Variants in VAV3 observed in about 807,000 individuals in gnomAD.
VAV3 encodes the protein guanine nucleotide exchange factor VAV3.
In VAV3, 94 loss-of-function variants were observed where a neutral mutation model predicts 131.2. The observed-to-expected ratio is 0.72, with a 90% CI of 0.61 to 0.85. VAV3 has a LOEUF of 0.85. VAV3 is among the 40% of genes least tolerant of loss of function. The probability of loss-of-function intolerance (pLI) is 0.00; values close to 1 mark genes in which losing one functional copy is unlikely to be tolerated. For synonymous variants in VAV3, 349 were observed against 342.0 expected (o/e 1.02, Z -0.22); for missense variants, 939 against 1,002.7 (o/e 0.94, Z 0.86).
intron 15 of VAV3, among the ~76,000 whole-genome samples, chr1:107,738,483 T>C (rs1012146903): frequency 1.3e-5 from 2 of 152,206 alleles, no homozygotes; most frequent in African/African-American, 2.4e-5. Flanking sequence ...AAATGCACAA[T>C]ACATAGTCTT....
At chr1:107,802,420 G>C (rs1666869901) in intron 2 of VAV3, among the ~76,000 whole-genome samples, 1 of 151,918 alleles carries the variant, frequency 6.6e-6, no homozygotes, top group Non-Finnish European at 1.5e-5. Context: ...TCTTTTTCCA[G>C]ATCTTAGCAA....
chr1:107,795,911 AATTCCTG>A (rs532008205), intron 2 of VAV3, among the ~76,000 whole-genome samples: 223 of 152,288 alleles, frequency 1.5e-3, no homozygotes, highest in African/African-American at 5.2e-3. Flanking sequence ...TCCCCCATCC[AATTCCTG>A]ATTCCCATAC....
intron 1 of VAV3, among the ~76,000 whole-genome samples, chr1:107,945,170 T>C (rs770054355): frequency 2.0e-5 from 3 of 152,198 alleles, no homozygotes; most frequent in Non-Finnish European, 2.9e-5. Flanking sequence ...GAAAAGCTGA[T>C]AGATATTAAA....
At chr1:107,789,532 G>A (rs1398749517) in intron 2 of VAV3, among the ~76,000 whole-genome samples, 1 of 152,144 alleles carries the variant, frequency 6.6e-6, no homozygotes, top group Non-Finnish European at 1.5e-5. Flanking sequence ...AGTCCTTAAA[G>A]TCTGTGTTCT....
intron 2 of VAV3, among the ~76,000 whole-genome samples, chr1:107,863,443 T>C (rs1000795796): frequency 6.6e-6 from 1 of 152,124 alleles, no homozygotes; most frequent in Non-Finnish European, 1.5e-5. Context: ...GGTCATCTCC[T>C]GTCTATCTGT....
intron 4 of VAV3, among the ~76,000 whole-genome samples, chr1:107,773,134 T>C (rs1030648830): frequency 6.6e-6 from 1 of 152,208 alleles, no homozygotes; most frequent in Non-Finnish European, 1.5e-5. Context: ...CCAACATTAA[T>C]GATCAGGTGT....
intron 21 of VAV3, among the ~76,000 whole-genome samples, chr1:107,615,776 G>A (rs755903967): frequency 4.6e-5 from 7 of 152,042 alleles, no homozygotes; most frequent in Non-Finnish European, 8.8e-5. Context: ...CCATTAAAAA[G>A]TGGGCAAATA....
At chr1:107,624,578 C>A (rs1653867086) in intron 20 of VAV3, among the ~76,000 whole-genome samples, 1 of 152,044 alleles carries the variant, frequency 6.6e-6, no homozygotes. Flanking sequence ...CAAAACCAAT[C>A]CAGGCTTAAC....
chr1:107,607,234 G>A (rs917908159), intron 22 of VAV3, among the ~76,000 whole-genome samples: 5 of 152,130 alleles, frequency 3.3e-5, no homozygotes, highest in Middle Eastern at 6.8e-3. Context: ...TTACAGGCAC[G>A]AGTCAACACG....
chr1:107,646,679 T>C (rs1203008030), intron 19 of VAV3, among the ~76,000 whole-genome samples: 1 of 152,044 alleles, frequency 6.6e-6, no homozygotes, highest in African/African-American at 2.4e-5. Flanking sequence ...CATTAACTTT[T>C]GCTCACATTA....
intron 2 of VAV3, among the ~76,000 whole-genome samples, chr1:107,801,901 GT>G (rs1476059762): frequency 1.3e-5 from 2 of 151,726 alleles, no homozygotes; most frequent in Non-Finnish European, 2.9e-5. Context: ...CCTTTTTTTG[GT>G]ATGTGCCTCT....
chr1:107,669,899 C>T (rs1657660109), intron 19 of VAV3, among the ~76,000 whole-genome samples: 1 of 152,124 alleles, frequency 6.6e-6, no homozygotes, highest in South Asian at 2.1e-4. Context: ...ACACTGATCA[C>T]CCAAATAATG....
chr1:107,915,647 A>C (rs1477467873), intron 1 of VAV3, among the ~76,000 whole-genome samples: 1 of 152,218 alleles, frequency 6.6e-6, no homozygotes, highest in Non-Finnish European at 1.5e-5. Flanking sequence ...CAAATTTAGC[A>C]CATTTTGCTA....
chr1:107,716,463 A>C (rs1661097888), intron 15 of VAV3, among the ~76,000 whole-genome samples: 1 of 152,150 alleles, frequency 6.6e-6, no homozygotes, highest in Non-Finnish European at 1.5e-5. Context: ...AATTTTGTCA[A>C]AGGCCTTTCC....
intron 1 of VAV3, among the ~76,000 whole-genome samples, chr1:107,910,440 T>C (rs547077904): frequency 6.6e-6 from 1 of 152,334 alleles, no homozygotes; most frequent in South Asian, 2.1e-4. Context: ...AAATATTATA[T>C]GCTATTTGTT....
intron 1 of VAV3, among the ~76,000 whole-genome samples, chr1:107,961,825 T>C (rs1028381675): frequency 3.3e-5 from 5 of 152,210 alleles, no homozygotes; most frequent in African/African-American, 1.2e-4. Flanking sequence ...CTTATTAAGA[T>C]TCCAAGATTC....
intron 2 of VAV3, among the ~76,000 whole-genome samples, chr1:107,863,254 T>C (rs1368999644): frequency 6.6e-6 from 1 of 152,028 alleles, no homozygotes; most frequent in Non-Finnish European, 1.5e-5. Flanking sequence ...ACATCCCAAA[T>C]CTCTCAAACT....
chr1:107,605,571 C>A (rs1295740526), intron 22 of VAV3, among the ~76,000 whole-genome samples: 1 of 152,166 alleles, frequency 6.6e-6, no homozygotes, highest in African/African-American at 2.4e-5. Context: ...CTACTATACA[C>A]GTTGAGCATC....
At position 107,961,020 on chromosome 1, in the gene VAV3, T is replaced by C. The variant is rs1675057466; in HGVS notation, c.204+3646A>G. Among the ~76,000 whole-genome samples, 3 of 152,182 alleles carry C rather than the reference T, an allele frequency of 2.0e-5. No individual in the cohort carries two copies. The South Asian group carries it at 6.2e-4, about 32-fold the overall frequency. ...AACTCTACTAAAATCCAAACCCCTT[T>C]AGGGCAGGGACTTTGTTGAGTTTGT... On this transcript the variant is annotated intron_variant, in intron 1 of 26. Coordinates refer to ENST00000370056, the MANE Select transcript of VAV3 (RefSeq NM_006113.5).
Sources: allele counts gnomAD v4.1 joint callset (sites outside exome capture counted in the v4.1 genomes callset), GRCh38; gene constraint gnomAD v4.1.1; transcripts MANE v1.5; gene names NCBI Gene and HGNC (gene_info 2026-07-23, HGNC 2026-07-21).